The following FAM171A1 variants were observed in gnomAD, a reference collection of about 807,000 sequenced individuals.
FAM171A1 encodes family with sequence similarity 171 member A1.
Under a neutral mutation model 74.9 loss-of-function variants are expected in FAM171A1, and 23 were observed. That is an observed-to-expected ratio of 0.31 (90% confidence interval 0.22 to 0.44). The LOEUF is 0.44. Ranked by LOEUF, FAM171A1 falls within the 20% of genes least tolerant of loss-of-function variation. FAM171A1 has a pLI of 1.00. For synonymous variants in FAM171A1, 527 were observed against 505.7 expected (o/e 1.04, Z -0.57); for missense variants, 1,162 against 1,159.2 (o/e 1.00, Z -0.03).
rs764754538 is a variant in FAM171A1 at position 15,248,847 on chromosome 10, A to C, written c.578-32T>G. On this transcript the variant is annotated intron_variant, in intron 4 of 7. Transcript: ENST00000378116. Reference sequence around the variant, plus strand: ...GGAAGAGGCATTTTCCATCATTTGCATGCAAAGTACCCATGTGGGGCTGTG... The same window carrying C: ...GGAAGAGGCATTTTCCATCATTTGCCTGCAAAGTACCCATGTGGGGCTGTG... The C allele has an allele frequency of 1.7e-5, 27 of 1,584,594 alleles. No homozygotes were observed. The South Asian group carries it at 1.8e-4, about 10-fold the overall frequency.
intron 1 of FAM171A1, among the ~76,000 whole-genome samples, chr10:15,307,264 C>G (rs1050184697): frequency 6.6e-6 from 1 of 152,128 alleles, no homozygotes; most frequent in Non-Finnish European, 1.5e-5. Context: ...GAACCTGCAA[C>G]CCTGACACGA....
chr10:15,244,375 C>G (rs1834404083), intron 5 of FAM171A1, among the ~76,000 whole-genome samples: 1 of 152,026 alleles, frequency 6.6e-6, no homozygotes, highest in Non-Finnish European at 1.5e-5. Context: ...CCCAAATTAG[C>G]TAGGCCTGGT....
chr10:15,302,947 G>A (rs1306386614), intron 1 of FAM171A1, among the ~76,000 whole-genome samples: 2 of 152,316 alleles, frequency 1.3e-5, no homozygotes, highest in East Asian at 1.9e-4. Flanking sequence ...CCAGCACTTT[G>A]GGAGGCCGAG....
intron 6 of FAM171A1, among the ~76,000 whole-genome samples, chr10:15,220,115 C>T (rs1834018666): frequency 6.6e-6 from 1 of 152,170 alleles, no homozygotes; most frequent in South Asian, 2.1e-4. Context: ...AATCACAGCA[C>T]ATTTCGACCT....
chr10:15,272,985 G>A (rs1468182911), intron 3 of FAM171A1, among the ~76,000 whole-genome samples: 2 of 152,118 alleles, frequency 1.3e-5, no homozygotes, highest in African/African-American at 2.4e-5. Flanking sequence ...AAAAGAACTA[G>A]AGAAGCAAGA....
intron 3 of FAM171A1, among the ~76,000 whole-genome samples, chr10:15,256,856 GC>G (rs1834587080): frequency 6.6e-6 from 1 of 152,088 alleles, no homozygotes; most frequent in Admixed American, 6.5e-5. Flanking sequence ...CGCACAGCTT[GC>G]TTTTCTTCTC....
At chr10:15,326,921 C>A (rs1321309241) in intron 1 of FAM171A1, among the ~76,000 whole-genome samples, 3 of 152,178 alleles carry the variant, frequency 2.0e-5, no homozygotes, top group African/African-American at 7.2e-5. Context: ...GCCCACGACA[C>A]TCCGGCTACA....
intron 1 of FAM171A1, among the ~76,000 whole-genome samples, chr10:15,341,877 G>A (rs1164027964): frequency 3.3e-5 from 5 of 152,150 alleles, no homozygotes; most frequent in African/African-American, 9.7e-5. Context: ...CATGAAGGTC[G>A]ACTTCCTTCC....
chr10:15,259,828 T>C (rs954058117), intron 3 of FAM171A1, among the ~76,000 whole-genome samples: 1 of 144,914 alleles, frequency 6.9e-6, no homozygotes, highest in Admixed American at 6.9e-5. Context: ...GTTTCTTTCC[T>C]TTTTTTTTTT....
intron 1 of FAM171A1, among the ~76,000 whole-genome samples, chr10:15,367,260 A>T (rs1377856203): frequency 6.6e-6 from 1 of 152,224 alleles, no homozygotes; most frequent in Non-Finnish European, 1.5e-5. Flanking sequence ...AATACTTGAA[A>T]GCTATTTGTT....
chr10:15,352,366 A>T (rs761136962), intron 1 of FAM171A1, among the ~76,000 whole-genome samples: 7 of 152,244 alleles, frequency 4.6e-5, no homozygotes, highest in Non-Finnish European at 1.0e-4. Context: ...TTCAGAAATA[A>T]GAATGTGAAA....
At chr10:15,361,260 G>A (rs1435268769) in intron 1 of FAM171A1, among the ~76,000 whole-genome samples, 1 of 152,156 alleles carries the variant, frequency 6.6e-6, no homozygotes, top group African/African-American at 2.4e-5. Flanking sequence ...TCCTCTGTGA[G>A]GGAAGAGATT....
intron 4 of FAM171A1, among the ~76,000 whole-genome samples, chr10:15,250,855 G>A (rs1302917969): frequency 6.6e-6 from 1 of 152,222 alleles, no homozygotes; most frequent in Non-Finnish European, 1.5e-5. Context: ...CCATCAGGGA[G>A]TGCTGTTTTC....
intron 5 of FAM171A1, among the ~76,000 whole-genome samples, chr10:15,231,858 A>G (rs1834211014): frequency 6.6e-6 from 1 of 152,124 alleles, no homozygotes; most frequent in Admixed American, 6.5e-5. Flanking sequence ...GCCTAGGTGG[A>G]AGGGTCTCCT....
intron 1 of FAM171A1, among the ~76,000 whole-genome samples, chr10:15,331,872 TGTGTATAC>T (rs1835640853): frequency 1.8e-5 from 1 of 56,116 alleles, no homozygotes; most frequent in Non-Finnish European, 3.2e-5. Flanking sequence ...TATATATGTG[TGTGTATAC>T]ATATATATAT....
chr10:15,261,323 A>G (rs1186180735), intron 3 of FAM171A1, among the ~76,000 whole-genome samples: 1 of 152,184 alleles, frequency 6.6e-6, no homozygotes, highest in Non-Finnish European at 1.5e-5. Flanking sequence ...CCTTAAATGG[A>G]TCAGTGAAGA....
chr10:15,312,504 G>T (rs1019547532), intron 1 of FAM171A1, among the ~76,000 whole-genome samples: 1 of 151,642 alleles, frequency 6.6e-6, no homozygotes, highest in African/African-American at 2.4e-5. Context: ...AGTCTCGGGG[G>T]GCTCCACCTT....
chr10:15,263,762 TCTATCTA>T (rs1834696143), intron 3 of FAM171A1, among the ~76,000 whole-genome samples: 2 of 151,796 alleles, frequency 1.3e-5, no homozygotes, highest in African/African-American at 4.8e-5. Context: ...TATCTATCTA[TCTATCTA>T]TCTATCTATC....
chr10:15,338,025 TTTAAAAAACAAAGAA>T (rs1835724737), intron 1 of FAM171A1, among the ~76,000 whole-genome samples: 1 of 152,066 alleles, frequency 6.6e-6, no homozygotes, highest in Admixed American at 6.6e-5. Flanking sequence ...TAAATTCCTA[TTTAAAAAACAAAGAA>T]TTCTTCTTAG....
Sources: gnomAD v4.1 joint callset for allele counts (sites outside exome capture counted in the v4.1 genomes callset) on GRCh38, gnomAD v4.1.1 for gene constraint, MANE v1.5 for transcripts, NCBI Gene and HGNC (gene_info 2026-07-23, HGNC 2026-07-21) for gene names.